Variants in PDZRN4 observed in about 807,000 individuals in gnomAD.
The protein encoded by PDZRN4 is PDZ domain containing ring finger 4.
In PDZRN4, 70 loss-of-function variants were observed where a neutral mutation model predicts 99.0. The observed-to-expected ratio is 0.71, with a 90% CI of 0.58 to 0.86. PDZRN4 has a LOEUF of 0.86. Among genes scored for constraint, PDZRN4 ranks in the 40% least tolerant of loss-of-function variants. The pLI is 0.00. For synonymous variants in PDZRN4, 551 were observed against 501.6 expected (o/e 1.10, Z -1.32); for missense variants, 1,474 against 1,331.2 (o/e 1.11, Z -1.67).
intron 3 of PDZRN4, among the ~76,000 whole-genome samples, chr12:41,361,274 T>A (rs967981308): frequency 5.9e-5 from 9 of 152,100 alleles, no homozygotes; most frequent in African/African-American, 2.2e-4. Context: ...TTCCATTTAA[T>A]TTTAAAATAA....
chr12:41,556,415 C>T (rs1290958076), intron 7 of PDZRN4, among the ~76,000 whole-genome samples: 1 of 152,176 alleles, frequency 6.6e-6, no homozygotes, highest in Non-Finnish European at 1.5e-5. Flanking sequence ...GGCTAGCTGG[C>T]GTAGCCTACT....
intron 3 of PDZRN4, among the ~76,000 whole-genome samples, chr12:41,209,093 T>C (rs1456010504): frequency 1.3e-5 from 2 of 151,938 alleles, no homozygotes; most frequent in African/African-American, 4.8e-5. Context: ...CATCAAGACT[T>C]TGTAAGATAA....
At chr12:41,238,117 G>C (rs1391339173) in intron 3 of PDZRN4, among the ~76,000 whole-genome samples, 1 of 151,960 alleles carries the variant, frequency 6.6e-6, no homozygotes, top group African/African-American at 2.4e-5. Context: ...GAATGTTTTT[G>C]CATCTGCTTG....
chr12:41,276,382 T>C (rs1056346904), intron 3 of PDZRN4, among the ~76,000 whole-genome samples: 21 of 152,154 alleles, frequency 1.4e-4, no homozygotes, highest in Admixed American at 2.6e-4. Flanking sequence ...TTATAGTTAT[T>C]GTAGCAGTTT....
At chr12:41,534,102 T>C (rs1273951645) in intron 5 of PDZRN4, among the ~76,000 whole-genome samples, 1 of 152,196 alleles carries the variant, frequency 6.6e-6, no homozygotes, top group Admixed American at 6.5e-5. Flanking sequence ...GGCTGATTCA[T>C]ATGTTACCTT....
chr12:41,378,108 G>A (rs1187339724), intron 3 of PDZRN4, among the ~76,000 whole-genome samples: 1 of 151,954 alleles, frequency 6.6e-6, no homozygotes, highest in East Asian at 1.9e-4. Context: ...TGTTAGCTGT[G>A]GACTTATCAT....
chr12:41,400,946 G>A (rs1952284839), intron 3 of PDZRN4, among the ~76,000 whole-genome samples: 1 of 151,970 alleles, frequency 6.6e-6, no homozygotes, highest in African/African-American at 2.4e-5. Flanking sequence ...ATTTGGCTTT[G>A]GATTGTATTG....
At chr12:41,544,104 A>G (rs1938907941) in intron 5 of PDZRN4, among the ~76,000 whole-genome samples, 1 of 152,220 alleles carries the variant, frequency 6.6e-6, no homozygotes, top group Non-Finnish European at 1.5e-5. Context: ...CATTTAGAGG[A>G]ATGTTTGGTA....
intron 3 of PDZRN4, among the ~76,000 whole-genome samples, chr12:41,472,571 A>G (rs1026508163): frequency 2.6e-5 from 4 of 152,164 alleles, no homozygotes; most frequent in South Asian, 2.1e-4. Context: ...CTGATGTTTG[A>G]TCTATGTATA....
intron 3 of PDZRN4, among the ~76,000 whole-genome samples, chr12:41,449,035 G>A (rs991254016): frequency 1.3e-5 from 2 of 151,850 alleles, no homozygotes; most frequent in Non-Finnish European, 1.5e-5. Flanking sequence ...AACACATTAG[G>A]ACCTCATCTT....
At chr12:41,392,043 T>C (rs1198257173) in intron 3 of PDZRN4, among the ~76,000 whole-genome samples, 1 of 152,190 alleles carries the variant, frequency 6.6e-6, no homozygotes, top group Non-Finnish European at 1.5e-5. Context: ...AAACTTGTTT[T>C]TTGTAGTTCT....
chr12:41,528,504 G>A (rs1206313980), intron 5 of PDZRN4, among the ~76,000 whole-genome samples: 3 of 152,126 alleles, frequency 2.0e-5, no homozygotes, highest in African/African-American at 7.2e-5. Flanking sequence ...GCAGGACTTA[G>A]GTCTGCCCAC....
intron 3 of PDZRN4, among the ~76,000 whole-genome samples, chr12:41,383,012 A>G (rs760214245): frequency 6.6e-6 from 1 of 152,222 alleles, no homozygotes; most frequent in Admixed American, 6.5e-5. Flanking sequence ...AATGAACACA[A>G]TGTATTTATT....
chr12:41,330,490 T>TAAAAAAAAAAAA (rs201298001), intron 3 of PDZRN4, among the ~76,000 whole-genome samples: 2 of 139,490 alleles, frequency 1.4e-5, no homozygotes, highest in Non-Finnish European at 3.1e-5. Flanking sequence ...TCTAATATGG[T>TAAAAAAAAAAAA]AAAAAAAAAA....
At chr12:41,570,830 A>G (rs139481616) in intron 9 of PDZRN4, among the ~76,000 whole-genome samples, 460 of 152,294 alleles carry the variant, frequency 3.0e-3, no homozygotes, top group Middle Eastern at 0.01. Flanking sequence ...TTTTTAATCA[A>G]TAAGACATTT....
chr12:41,339,926 A>G (rs1283466991), intron 3 of PDZRN4, among the ~76,000 whole-genome samples: 1 of 152,058 alleles, frequency 6.6e-6, no homozygotes, highest in African/African-American at 2.4e-5. Flanking sequence ...GCAGTAATGA[A>G]TGCTGGTGAG....
chr12:41,488,131 T>C (rs905198375), intron 3 of PDZRN4, among the ~76,000 whole-genome samples: 6 of 152,188 alleles, frequency 3.9e-5, no homozygotes, highest in Non-Finnish European at 8.8e-5. Context: ...TCACTGCCTT[T>C]TAGCCGTGCA....
intron 3 of PDZRN4, among the ~76,000 whole-genome samples, chr12:41,430,993 C>G (rs1373465940): frequency 1.3e-5 from 2 of 152,106 alleles, no homozygotes; most frequent in African/African-American, 2.4e-5. Context: ...ACAACCAGAT[C>G]TTGTGAGGAC....
intron 3 of PDZRN4, among the ~76,000 whole-genome samples, chr12:41,256,543 C>T (rs1005474852): frequency 2.0e-5 from 3 of 152,164 alleles, no homozygotes; most frequent in Non-Finnish European, 4.4e-5. Context: ...CTTTTCTATC[C>T]TCTTGACGTA....
Sources: gnomAD v4.1 joint callset for allele counts (sites outside exome capture counted in the v4.1 genomes callset) on GRCh38, gnomAD v4.1.1 for gene constraint, MANE v1.5 for transcripts, NCBI Gene and HGNC (gene_info 2026-07-23, HGNC 2026-07-21) for gene names.